The following COG6 variants were observed in gnomAD, a reference collection of about 807,000 sequenced individuals.
COG6 encodes the protein component of oligomeric golgi complex 6.
Under a neutral mutation model 88.8 loss-of-function variants are expected in COG6, and 74 were observed. The ratio of observed to expected loss-of-function variants is 0.83; its 90% CI spans 0.69 to 1.01. COG6 has a LOEUF of 1.01. Ranked by LOEUF, COG6 falls within the 50% of genes least tolerant of loss-of-function variation. The pLI is 0.00. For synonymous variants in COG6, 286 were observed against 278.7 expected, an observed-to-expected ratio of 1.03 and a Z score of -0.26; for missense variants, 800 against 797.9, an observed-to-expected ratio of 1.00 and a Z score of -0.03.
chr13:39,672,060 A>C (rs894166876), intron 4 of COG6, among the ~76,000 whole-genome samples: 5 of 151,994 alleles, frequency 3.3e-5, no homozygotes, highest in African/African-American at 1.2e-4. Context: ...TAACATTTTA[A>C]ATAGTTACAG....
At chr13:39,787,652 C>T (rs538451370) in intron 18 of COG6, among the ~76,000 whole-genome samples, 1 of 152,126 alleles carries the variant, frequency 6.6e-6, no homozygotes, top group Non-Finnish European at 1.5e-5. Context: ...ACAACACACA[C>T]ACACAATCAG....
At chr13:39,670,723 T>G (rs924565981) in intron 4 of COG6, among the ~76,000 whole-genome samples, 9 of 152,096 alleles carry the variant, frequency 5.9e-5, no homozygotes, top group Non-Finnish European at 2.9e-5. Context: ...TGCTCTGTCA[T>G]CTAGGAAGCT....
At chr13:39,790,774 A>G (rs1218953971) in exon 19 of COG6, 1 of 152,066 alleles carries the variant, frequency 6.6e-6, no homozygotes, top group Non-Finnish European at 1.5e-5. Flanking sequence ...GACCCTAAGT[A>G]TAATTTTAAC....
chr13:39,656,314 G>T, intron 1 of COG6: 3 of 410,538 alleles, frequency 7.3e-6, no homozygotes, highest in Non-Finnish European at 1.5e-5. Flanking sequence ...GAGAGCAGTG[G>T]TAGGGATAAG....
rs192000651 is a variant in COG6 at position 39,766,229 on chromosome 13, C to T, written c.1827-22106C>T. Among the ~76,000 whole-genome samples, 36 of 152,318 alleles carry T rather than the reference C, an allele frequency of 2.4e-4. 1 individual carries two copies. Among genetic ancestry groups the T allele is most frequent in the Admixed American group, 1.8e-3 (27 of 15,296 alleles). On this transcript the variant is annotated intron_variant, in intron 18 of 18. Transcript: ENST00000416691. ...CTCCCAGCTAACACATTGCATTCAC[C>T]TTCCCTGTTCCTCCACCACCTACCA...
intron 18 of COG6, among the ~76,000 whole-genome samples, chr13:39,758,009 C>G (rs531772016): frequency 6.6e-5 from 10 of 151,384 alleles, no homozygotes; most frequent in African/African-American, 2.4e-4. Context: ...ATCATGAAGT[C>G]AAGAGATCGA....
At chr13:39,702,206 G>T (rs544581135) in intron 13 of COG6, among the ~76,000 whole-genome samples, 1 of 152,050 alleles carries the variant, frequency 6.6e-6, no homozygotes, top group East Asian at 1.9e-4. Flanking sequence ...AGAACGTGTT[G>T]CCAGGCCTAG....
chr13:39,744,399 A>T (rs1880220391), intron 18 of COG6, among the ~76,000 whole-genome samples: 1 of 152,226 alleles, frequency 6.6e-6, no homozygotes, highest in Non-Finnish European at 1.5e-5. Flanking sequence ...AAGCAACTTC[A>T]GCAAAGTCTC....
At position 39,677,557 on chromosome 13, in the gene COG6, C is replaced by T; in HGVS notation, c.518C>T (p.Thr173Ile). 1.9e-6 allele frequency: 3 copies of T among 1,607,784 alleles called. No individual in the cohort carries two copies. The highest frequency in any genetic ancestry group is 2.6e-6 in the Non-Finnish European group (3 of 1,174,544). ...GATGAAATGAGTCTTCTCCGAGGTACAAGAGAAGGACCCATTACTGAGGTA... is the reference window on the plus strand; with the variant it reads ...GATGAAATGAGTCTTCTCCGAGGTATAAGAGAAGGACCCATTACTGAGGTA... ...TSDEMSLLRG[T>I]REGPITEDFF... The change falls in exon 5 of 19, where the codon ACA becomes ATA. Residue 173 changes from threonine to isoleucine, a missense_variant. Thr to Ile is a moderately conservative substitution (Grantham distance 89). Transcript: ENST00000455146.
intron 4 of COG6, among the ~76,000 whole-genome samples, chr13:39,669,190 A>G (rs1875468385): frequency 6.6e-6 from 1 of 152,252 alleles, no homozygotes; most frequent in African/African-American, 2.4e-5. Flanking sequence ...TGCCTTCACC[A>G]TAAAATTAGA....
At position 39,772,808 on chromosome 13, in the gene COG6, G is replaced by A. The variant is rs540519405; in HGVS notation, c.1827-15527G>A. 1.8e-4 allele frequency among the ~76,000 whole-genome samples: 28 copies of A among 152,312 alleles called. No homozygotes were observed. In the South Asian group the frequency reaches 5.6e-3, roughly 30 times the overall value. ...CCTTGGGCTCTCCTGCCCCCATTGA[G>A]GAACTGAAGGCTTTTACAGAGCCTC... On this transcript the variant is annotated intron_variant, in intron 18 of 18. Coordinates refer to the COG6 transcript ENST00000416691.
intron 8 of COG6, 68 bp from the exon 9 acceptor site, chr13:39,687,435 G>A: frequency 2.2e-6 from 3 of 1,393,496 alleles, no homozygotes; most frequent in Non-Finnish European, 2.0e-6. Flanking sequence ...CTCAGAAATT[G>A]CGTGAATAGT....
At chr13:39,783,483 C>A (rs978270371) in intron 18 of COG6, among the ~76,000 whole-genome samples, 2 of 151,902 alleles carry the variant, frequency 1.3e-5, no homozygotes, top group African/African-American at 4.8e-5. Flanking sequence ...AAACACAATG[C>A]CTTATTTTAA....
At chr13:39,756,415 A>G (rs1032359291), downstream of COG6, among the ~76,000 whole-genome samples, 1 of 152,188 alleles carries the variant, frequency 6.6e-6, no homozygotes, top group Admixed American at 6.5e-5. Context: ...TCAACAATAC[A>G]CAAACAATAG....
chr13:39,702,405 A>T (rs1189661143), intron 13 of COG6, among the ~76,000 whole-genome samples: 2 of 152,046 alleles, frequency 1.3e-5, no homozygotes, highest in Admixed American at 1.3e-4. Context: ...AAAATTCAGC[A>T]TTTATATATT....
intron 18 of COG6, among the ~76,000 whole-genome samples, chr13:39,733,485 G>A (rs925246276): frequency 2.6e-5 from 4 of 151,546 alleles, no homozygotes; most frequent in Admixed American, 6.6e-5. Context: ...CACTGTGCCC[G>A]GCCAAAAAGG....
chr13:39,714,052 A>G (rs561840598), intron 13 of COG6, among the ~76,000 whole-genome samples: 42 of 152,288 alleles, frequency 2.8e-4, no homozygotes, highest in African/African-American at 9.6e-4. Context: ...TTTACCATCA[A>G]CTCTAACTGT....
At chr13:39,707,068 A>G (rs887842742) in intron 13 of COG6, among the ~76,000 whole-genome samples, 5 of 152,160 alleles carry the variant, frequency 3.3e-5, no homozygotes, top group Non-Finnish European at 5.9e-5. Flanking sequence ...TAAGTATTTA[A>G]TAATAATGAC....
At chr13:39,734,085 T>A (rs1879604147) in intron 18 of COG6, among the ~76,000 whole-genome samples, 1 of 152,162 alleles carries the variant, frequency 6.6e-6, no homozygotes, top group African/African-American at 2.4e-5. Context: ...ATCACTCTTT[T>A]GTACTTTTGT....
Sources: allele counts gnomAD v4.1 joint callset (sites outside exome capture counted in the v4.1 genomes callset), GRCh38; gene constraint gnomAD v4.1.1; transcripts MANE v1.5; gene names NCBI Gene and HGNC (gene_info 2026-07-23, HGNC 2026-07-21).